Variants in PSORS1C1 observed in about 807,000 individuals in gnomAD.
PSORS1C1 encodes the protein psoriasis susceptibility 1 candidate gene 1 protein.
A neutral mutation model predicts 9.4 loss-of-function variants in PSORS1C1; 7 were observed. The ratio of observed to expected loss-of-function variants is 0.75; its 90% CI spans 0.42 to 1.40. The LOEUF is 1.40. Among genes scored for constraint, PSORS1C1 ranks in the 40% most tolerant of loss-of-function variants. The pLI, the probability that PSORS1C1 is intolerant of heterozygous loss-of-function variation, is 0.01. For missense variants in PSORS1C1, 146 were observed against 178.1 expected (o/e 0.82, Z 1.02); for synonymous variants, 63 against 69.4 (o/e 0.91, Z 0.46).
At chr6:31,134,156 T>C (rs980939629) in intron 3 of PSORS1C1, among the ~76,000 whole-genome samples, 1 of 146,862 alleles carries the variant, frequency 6.8e-6, no homozygotes, top group Non-Finnish European at 1.5e-5. Context: ...TTTTTTTGTA[T>C]TTTTAGTAGA....
intron 1 of PSORS1C1, among the ~76,000 whole-genome samples, chr6:31,122,672 G>C (rs993803631): frequency 6.6e-6 from 1 of 152,148 alleles, no homozygotes; most frequent in African/African-American, 2.4e-5. Context: ...CCTGCTACTC[G>C]GGAGGCTGAG....
In PSORS1C1 at chr6:31,139,525, C is replaced by G; in HGVS notation, c.168-116C>G. ...GCTGGGACAGTGTCAGCTACTACCC[C>G]AGCCTCCCCACTCACCCCCGCACTG... On this transcript the variant is annotated intron_variant, in intron 5 of 5. Coordinates refer to ENST00000259881, the MANE Select transcript of PSORS1C1 (RefSeq NM_014068.3). The surrounding 1 kb of genome is among the most constrained non-coding windows in gnomAD (Gnocchi z 5.2). The G allele has an allele frequency of 1.0e-6, 1 of 974,780 alleles. No individual in the cohort carries two copies. Among genetic ancestry groups the G allele is most frequent in the Non-Finnish European group, 1.5e-6 (1 of 660,358 alleles). The allele number at this position is 974,780 out of a possible 1,614,324, so 60.4% of individuals were successfully genotyped here.
chr6:31,129,101 G>A (rs1772799482), intron 2 of PSORS1C1, among the ~76,000 whole-genome samples: 1 of 152,290 alleles, frequency 6.6e-6, no homozygotes, highest in Non-Finnish European at 1.5e-5. Flanking sequence ...CAAGGCTCAG[G>A]GCTGTGCCTG....
At position 31,140,073 on chromosome 6, in the gene PSORS1C1, AG is replaced by A. The variant is rs1168116823; in HGVS notation, c.*143del. 1 of 759,506 alleles carries A rather than the reference AG, an allele frequency of 1.3e-6. No homozygotes were observed. The highest frequency in any genetic ancestry group is 2.2e-6 in the Non-Finnish European group (1 of 454,486). 47.0% of individuals were successfully genotyped at this position (759,506 alleles called of 1,614,324 possible). Reference sequence around the variant, plus strand: ...CTGCCTGGTCCGCTACCCCACAGTAAGGAACACCTTATTATGCAATGGCGTG... The same window carrying A: ...CTGCCTGGTCCGCTACCCCACAGTAAGAACACCTTATTATGCAATGGCGTG... On this transcript the variant is annotated 3_prime_UTR_variant, in exon 6 of 6. Transcript: ENST00000259881. This position sits in a 1 kb window ranked among gnomAD's most constrained non-coding sequence, Gnocchi z 4.6.
intron 5 of PSORS1C1, 116 bp downstream of exon 5, chr6:31,138,895 GCGTCCAGTTCACCTC>G: frequency 6.3e-7 from 1 of 1,599,348 alleles, no homozygotes; most frequent in Non-Finnish European, 8.6e-7. Context: ...CCAACCCCAT[GCGTCCAGTTCACCTC>G]CGCCATCTTG....
At chr6:31,132,412 C>G (rs9263721) in intron 3 of PSORS1C1, among the ~76,000 whole-genome samples, 18,293 of 130,328 alleles carry the variant, frequency 0.14, 1,331 homozygotes, top group South Asian at 0.33. Flanking sequence ...ATCCCAGCTA[C>G]TCAGGAAGCA....
chr6:31,138,693 T>C lies in PSORS1C1; in HGVS notation c.81T>C (p.Leu27=). Residue 27 remains leucine, a synonymous_variant, in exon 5 of 6, where the codon CTT becomes CTC. Coordinates refer to ENST00000259881, the MANE Select transcript of PSORS1C1 (RefSeq NM_014068.3). ...CAGCTTTACAAGGACCCCAGCTCCTTAACACAGATCCCAGCTCCGAGGAAA... is the reference window on the plus strand; with the variant it reads ...CAGCTTTACAAGGACCCCAGCTCCTCAACACAGATCCCAGCTCCGAGGAAA... ...QTPALQGPQL[L]NTDPSSEETR... 6.2e-7 allele frequency: 1 copy of C among 1,612,802 alleles called. No homozygotes were observed. Among genetic ancestry groups the C allele is most frequent in the Non-Finnish European group, 8.5e-7 (1 of 1,179,850 alleles).
intron 1 of PSORS1C1, chr6:31,117,886 C>A (rs1289907551): frequency 3.2e-6 from 1 of 312,936 alleles, no homozygotes; most frequent in Non-Finnish European, 6.0e-6. Context: ...ATTGCATGCG[C>A]CCCAGAGTTC....
Position 31,139,741 on chromosome 6 carries a change from C to T in PSORS1C1, c.268C>T (p.Pro90Ser). 6.2e-7 allele frequency: 1 copy of T among 1,613,112 alleles called. No homozygotes were observed. Among genetic ancestry groups the T allele is most frequent in the Non-Finnish European group, 8.5e-7 (1 of 1,180,034 alleles). ...AAGGACACAGGAGGATATCCTGGTT[C>T]CCTCTTCCCACCCAGAGCTGTTTGC... ...KGRTQEDILV[P>S]SSHPELFASV... The change falls in exon 6 of 6, where the codon CCC (proline) becomes TCC (serine). Residue 90 changes from proline to serine, a missense_variant. Coordinates refer to ENST00000259881, the MANE Select transcript of PSORS1C1 (RefSeq NM_014068.3). The surrounding 1 kb of genome is among the most constrained non-coding windows in gnomAD (Gnocchi z 5.2).
chr6:31,134,371 C>T (rs1277933696), intron 3 of PSORS1C1, among the ~76,000 whole-genome samples: 1 of 148,838 alleles, frequency 6.7e-6, no homozygotes, highest in South Asian at 2.1e-4. Context: ...GGCACGATCT[C>T]GGCTCACTGC....
intron 2 of PSORS1C1, among the ~76,000 whole-genome samples, chr6:31,129,318 T>A (rs1772809116): frequency 6.6e-6 from 1 of 152,178 alleles, no homozygotes; most frequent in Non-Finnish European, 1.5e-5. Context: ...CCTGGGGCAT[T>A]TACTCCTAGG....
At chr6:31,121,779 C>T (rs763648271) in intron 1 of PSORS1C1, among the ~76,000 whole-genome samples, 1 of 152,226 alleles carries the variant, frequency 6.6e-6, no homozygotes, top group Non-Finnish European at 1.5e-5. Flanking sequence ...TAAGTTCAGA[C>T]CAGCAGGAGG....
intron 3 of PSORS1C1, among the ~76,000 whole-genome samples, chr6:31,130,086 T>G (rs1772839204): frequency 6.6e-6 from 1 of 152,012 alleles, no homozygotes; most frequent in South Asian, 2.1e-4. Context: ...AGCAAGAACC[T>G]GTCTCAAAAA....
intron 2 of PSORS1C1, among the ~76,000 whole-genome samples, chr6:31,127,819 A>AC (rs28728470): frequency 0.13 from 19,133 of 150,518 alleles, 1,298 homozygotes; most frequent in Middle Eastern, 0.23. Flanking sequence ...TGTCTCAAAA[A>AC]AACACACATA....
intron 1 of PSORS1C1, chr6:31,116,170 C>A: frequency 6.2e-7 from 1 of 1,612,026 alleles, no homozygotes; most frequent in Non-Finnish European, 8.5e-7. Flanking sequence ...GGGCTTGGCA[C>A]CAGCGGAGGG....
At chr6:31,120,387 A>G in intron 1 of PSORS1C1, 1 of 1,593,770 alleles carries the variant, frequency 6.3e-7, no homozygotes, top group Non-Finnish European at 8.5e-7. Flanking sequence ...GCCCACCCAC[A>G]CGCCCCATCC....
At chr6:31,135,361 C>T (rs970753528) in intron 3 of PSORS1C1, among the ~76,000 whole-genome samples, 11 of 151,982 alleles carry the variant, frequency 7.2e-5, no homozygotes, top group Admixed American at 7.2e-4. Flanking sequence ...CCTAGCTTCC[C>T]GAGTAGCTGG....
rs1772049034 is a variant in PSORS1C1, at chr6:31,115,328, C to T, written c.-229+437C>T. 1 of 186,756 alleles carries T rather than the reference C, an allele frequency of 5.4e-6. No homozygotes were observed. Among genetic ancestry groups the T allele is most frequent in the Non-Finnish European group, 1.1e-5 (1 of 88,606 alleles). 11.6% of individuals were successfully genotyped at this position (186,756 alleles called of 1,614,324 possible). On this transcript the variant is annotated intron_variant, in intron 1 of 5. Coordinates refer to ENST00000259881, the MANE Select transcript of PSORS1C1 (RefSeq NM_014068.3). The surrounding 1 kb of genome is among the most constrained non-coding windows in gnomAD (Gnocchi z 4.2). ...GGATCCAGGGACAGCAGGGAGCCTG[C>T]TTCAACCTCTGAGGGTGCCCCAGTG...
intron 3 of PSORS1C1, among the ~76,000 whole-genome samples, chr6:31,132,033 C>G (rs1031855947): frequency 6.6e-6 from 1 of 152,110 alleles, no homozygotes; most frequent in African/African-American, 2.4e-5. Context: ...GTTTCTTGAG[C>G]TCAGGAGTTT....
Sources: allele counts gnomAD v4.1 joint callset (sites outside exome capture counted in the v4.1 genomes callset), GRCh38; gene constraint gnomAD v4.1.1; non-coding constraint Gnocchi (gnomAD v3.1); transcripts MANE v1.5; gene names NCBI Gene and HGNC (gene_info 2026-07-23, HGNC 2026-07-21).